The following PARD3B variants were observed in gnomAD, a reference collection of about 807,000 sequenced individuals.
PARD3B encodes par-3 family cell polarity regulator beta.
PARD3B carries 103 observed loss-of-function variants against 130.2 expected under a neutral mutation model. The ratio of observed to expected loss-of-function variants is 0.79; its 90% CI spans 0.67 to 0.93. The LOEUF (loss-of-function observed/expected upper bound fraction) is 0.93. Among genes scored for constraint, PARD3B ranks in the 40% least tolerant of loss-of-function variants. The pLI is 0.00. For synonymous variants in PARD3B, 583 were observed against 553.2 expected (o/e 1.05, Z -0.76); for missense variants, 1,609 against 1,499.2 (o/e 1.07, Z -1.21).
In PARD3B at chr2:205,550,777, T is replaced by C. The variant is rs1306571952; in HGVS notation, c.3181-2547T>C. ...TACTATATATAAATACATATATGTA[T>C]ATACATGCAAATATACAAATATATG... On this transcript the variant is annotated intron_variant, in intron 21 of 22. Coordinates refer to ENST00000406610, the MANE Select transcript of PARD3B (RefSeq NM_001302769.2). This position sits in a 1 kb window ranked among gnomAD's most constrained non-coding sequence, Gnocchi z 4.5. Among the ~76,000 whole-genome samples the C allele has an allele frequency of 3.3e-5, 5 of 150,744 alleles. No individual in the cohort carries two copies. The East Asian group carries it at 7.8e-4, about 23-fold the overall frequency.
chr2:204,935,472 G>T (rs1289490731), intron 2 of PARD3B, among the ~76,000 whole-genome samples: 1 of 151,670 alleles, frequency 6.6e-6, no homozygotes, highest in Non-Finnish European at 1.5e-5. Flanking sequence ...CCGGGAGGTG[G>T]AGCTTGCAGT....
intron 1 of PARD3B, among the ~76,000 whole-genome samples, chr2:204,567,942 TTAAA>T (rs1160007609): frequency 1.3e-5 from 2 of 152,218 alleles, no homozygotes; most frequent in Non-Finnish European, 1.5e-5. Flanking sequence ...CAATCCATCT[TTAAA>T]TATAAAAAGT....
intron 19 of PARD3B, among the ~76,000 whole-genome samples, chr2:205,432,553 G>A (rs1311597615): frequency 6.6e-6 from 1 of 152,036 alleles, no homozygotes; most frequent in Non-Finnish European, 1.5e-5. Flanking sequence ...TCTCTACCTG[G>A]AACACTCTTC....
intron 11 of PARD3B, among the ~76,000 whole-genome samples, chr2:205,162,518 T>C (rs1490995785): frequency 6.6e-6 from 1 of 152,254 alleles, no homozygotes. Context: ...GTTACTGTCT[T>C]TCTTCCTGGG....
chr2:204,966,352 A>T (rs1159745909), intron 3 of PARD3B, among the ~76,000 whole-genome samples: 2 of 152,134 alleles, frequency 1.3e-5, no homozygotes, highest in Non-Finnish European at 2.9e-5. Context: ...TATCTTTTGG[A>T]ACCGAGCTAG....
At chr2:204,627,643 T>C (rs1045756000) in intron 1 of PARD3B, among the ~76,000 whole-genome samples, 1 of 152,212 alleles carries the variant, frequency 6.6e-6, no homozygotes, top group Non-Finnish European at 1.5e-5. Flanking sequence ...TTTTGAGATC[T>C]ATTCATGTTG....
At chr2:205,071,068 G>A (rs1316646828) in intron 4 of PARD3B, among the ~76,000 whole-genome samples, 1 of 151,932 alleles carries the variant, frequency 6.6e-6, no homozygotes, top group African/African-American at 2.4e-5. Context: ...TCTTGGAAGT[G>A]TCAAATGATG....
intron 20 of PARD3B, among the ~76,000 whole-genome samples, chr2:205,489,522 T>TATATATGTATATATATAC (rs1559141351): frequency 2.4e-5 from 3 of 126,416 alleles, no homozygotes; most frequent in Non-Finnish European, 5.1e-5. Flanking sequence ...TATATATATA[T>TATATATGTATATATATAC]ACACACATAT....
rs116547013 is a variant in PARD3B at position 204,707,452 on chromosome 2, A to G, written c.222+21170A>G. Among the ~76,000 whole-genome samples the G allele has an allele frequency of 4.2e-3, 637 of 152,314 alleles. 4 individuals carry two copies. Among genetic ancestry groups the G allele is most frequent in the African/African-American group, 0.015 (603 of 41,570 alleles). On this transcript the variant is annotated intron_variant, in intron 2 of 22. Coordinates refer to ENST00000406610, the MANE Select transcript of PARD3B (RefSeq NM_001302769.2). ...TGGATTTTTTTCTACATAAGTTGACATAGTATTGAAACTTTTCTTGGTATT... is the reference window on the plus strand; with the variant it reads ...TGGATTTTTTTCTACATAAGTTGACGTAGTATTGAAACTTTTCTTGGTATT...
intron 3 of PARD3B, among the ~76,000 whole-genome samples, chr2:204,976,281 A>G (rs548187353): frequency 1.9e-4 from 29 of 152,312 alleles, no homozygotes; most frequent in African/African-American, 6.3e-4. Context: ...TAAGAGCACA[A>G]GCCCTGGAGC....
chr2:204,658,814 A>G (rs2035715613), intron 1 of PARD3B, among the ~76,000 whole-genome samples: 1 of 152,200 alleles, frequency 6.6e-6, no homozygotes, highest in Non-Finnish European at 1.5e-5. Context: ...TTTCCAGGGT[A>G]CAATCTGCTA....
chr2:204,670,919 C>A (rs2036268921), intron 1 of PARD3B, among the ~76,000 whole-genome samples: 1 of 152,130 alleles, frequency 6.6e-6, no homozygotes, highest in Admixed American at 6.6e-5. Context: ...TGAGTTAAAA[C>A]CATCAAAAAT....
At chr2:204,976,539 T>G (rs1453976473) in intron 3 of PARD3B, among the ~76,000 whole-genome samples, 1 of 152,010 alleles carries the variant, frequency 6.6e-6, no homozygotes, top group Non-Finnish European at 1.5e-5. Flanking sequence ...TTAATTTCAT[T>G]ATTATATTTA....
chr2:204,881,659 GAA>G (rs1175552904), intron 2 of PARD3B, among the ~76,000 whole-genome samples: 6 of 152,178 alleles, frequency 3.9e-5, no homozygotes, highest in Admixed American at 3.9e-4. Flanking sequence ...GGGCTTCTTT[GAA>G]AGGCAAATTT....
intron 6 of PARD3B, among the ~76,000 whole-genome samples, chr2:205,118,523 G>C (rs1455387358): frequency 6.6e-6 from 1 of 152,176 alleles, no homozygotes; most frequent in African/African-American, 2.4e-5. Flanking sequence ...AAATGTTACT[G>C]TGAATATCCT....
chr2:204,784,097 A>G (rs1400743287), intron 2 of PARD3B, among the ~76,000 whole-genome samples: 2 of 152,194 alleles, frequency 1.3e-5, no homozygotes, highest in Non-Finnish European at 2.9e-5. Context: ...ACACATAGAA[A>G]GGGCTTAGAT....
chr2:204,805,448 T>C (rs996811410), intron 2 of PARD3B, among the ~76,000 whole-genome samples: 1 of 152,074 alleles, frequency 6.6e-6, no homozygotes, highest in African/African-American at 2.4e-5. Context: ...AAGAAAAGCC[T>C]GGGACCTGGT....
chr2:205,347,391 C>G (rs2043832966), intron 18 of PARD3B, among the ~76,000 whole-genome samples: 1 of 152,076 alleles, frequency 6.6e-6, no homozygotes, highest in Non-Finnish European at 1.5e-5. Context: ...TTAAGTATAA[C>G]CTGTAACTTA....
chr2:205,516,602 G>C (rs1304287981), intron 21 of PARD3B, among the ~76,000 whole-genome samples: 1 of 152,158 alleles, frequency 6.6e-6, no homozygotes, highest in Non-Finnish European at 1.5e-5. Context: ...GAATGCTAGT[G>C]ATTTTTGTAC....
Sources: allele counts gnomAD v4.1 joint callset (sites outside exome capture counted in the v4.1 genomes callset), GRCh38; gene constraint gnomAD v4.1.1; non-coding constraint Gnocchi (gnomAD v3.1); transcripts MANE v1.5; gene names NCBI Gene and HGNC (gene_info 2026-07-23, HGNC 2026-07-21).